PKD1L3: variants seen among roughly 807,000 people sequenced by gnomAD.
The protein encoded by PKD1L3 is polycystin 1 like 3, transient receptor potential channel interacting.
Under a neutral mutation model 184.1 loss-of-function variants are expected in PKD1L3, and 239 were observed. The ratio of observed to expected loss-of-function variants is 1.30; its 90% CI spans 1.17 to 1.45. PKD1L3 has a LOEUF of 1.45. Among genes scored for constraint, PKD1L3 ranks in the 40% most tolerant of loss-of-function variants. The probability of loss-of-function intolerance (pLI) is 0.00; values close to 1 mark genes in which losing one functional copy is unlikely to be tolerated. For synonymous variants in PKD1L3, 996 were observed against 778.8 expected (o/e 1.28, Z -4.64); for missense variants, 2,660 against 2,067.2 (o/e 1.29, Z -5.56).
chr16:71,943,010 G>C lies in PKD1L3; in HGVS notation c.3874C>G (p.Leu1292Val). Residue 1292 changes from leucine to valine, a missense_variant, in exon 24 of 30, where the codon CTT (leucine) becomes GTT (valine). Leu to Val is a conservative substitution (Grantham distance 32, BLOSUM62 1). Coordinates refer to ENST00000620267, the MANE Select transcript of PKD1L3 (RefSeq NM_181536.2). ...TGDILVQILF[L>V]TLLMTAIYSA... ...TAGATTGCAGTCATCAACAGGGTAA[G>C]GAAGAGGATTTGTACTTGTTTAGAA... is the stretch of plus-strand genomic sequence containing the variant. 2.6e-6 allele frequency: 4 copies of C among 1,549,948 alleles called. No homozygotes were observed. The highest frequency in any genetic ancestry group is 3.5e-6 in the Non-Finnish European group (4 of 1,145,620).
intron 13 of PKD1L3, among the ~76,000 whole-genome samples, chr16:71,969,404 C>T (rs1231775736): frequency 6.6e-6 from 1 of 151,124 alleles, no homozygotes; most frequent in African/African-American, 2.4e-5. Context: ...CTCCTGGGCT[C>T]AAGCGATCTT....
intron 19 of PKD1L3, among the ~76,000 whole-genome samples, chr16:71,951,244 T>C (rs1237817228): frequency 6.6e-6 from 1 of 152,174 alleles, no homozygotes; most frequent in African/African-American, 2.4e-5. Context: ...TTCGCCATGT[T>C]GGCTAGGCTG....
intron 13 of PKD1L3, 139 bp downstream of exon 13, chr16:71,969,736 T>C: frequency 2.6e-6 from 2 of 776,156 alleles, no homozygotes; most frequent in East Asian, 2.7e-5. Flanking sequence ...CGAAGATAAA[T>C]TTAAGAAAAG....
chr16:71,999,790 G>A lies in PKD1L3; in HGVS notation c.189C>T (p.Asn63=). ...CCCGGATGAGATCTTGAACTTCCTT[G>A]TTCCAAATATGAGCTAGGAATCCTC... ...VQRGFLAHIW[N]KEVQDLIRDY... The change falls in exon 1 of 30, where the codon AAC becomes AAT. Residue 63 remains asparagine (N), a synonymous_variant. Transcript: ENST00000620267. 3 of 1,551,612 alleles carry A rather than the reference G, an allele frequency of 1.9e-6. No homozygotes were observed. The highest frequency in any genetic ancestry group is 2.6e-6 in the Non-Finnish European group (3 of 1,146,980).
chr16:71,991,317 G>A (rs772285993), intron 3 of PKD1L3: 22 of 223,766 alleles, frequency 9.8e-5, no homozygotes, highest in Non-Finnish European at 2.2e-4. Context: ...GCAAGAAACC[G>A]AGTCAACCAC....
chr16:71,935,343 C>G lies in PKD1L3; in HGVS notation c.4613+15G>C. 6.5e-7 allele frequency: 1 copy of G among 1,548,616 alleles called. No individual in the cohort carries two copies. The highest frequency in any genetic ancestry group is 1.2e-5 in the South Asian group (1 of 83,540). ...TGAGGTAGGAATATGCTGTGCCCCT[C>G]AGGCTTCCTCTCACCTGTCCTGGTC... On this transcript the variant is annotated intron_variant, in intron 26 of 29. Coordinates refer to ENST00000620267, the MANE Select transcript of PKD1L3 (RefSeq NM_181536.2).
At chr16:71,942,482 A>G in intron 24 of PKD1L3, 78 bp downstream of exon 24, 1 of 1,263,518 alleles carries the variant, frequency 7.9e-7, no homozygotes, top group Non-Finnish European at 1.1e-6. Context: ...CTTCAATGAA[A>G]CCACATTCCT....
At position 71,990,232 on chromosome 16, in the gene PKD1L3, C is replaced by G. The variant is rs781225949; in HGVS notation, c.585+48G>C. On this transcript the variant is annotated intron_variant, in intron 4 of 29. Transcript: ENST00000620267. ...CTCTAACCAGATCTACTAGGTATGA[C>G]AAAGAGATCAACATTTCACAATGTA... 31 of 1,450,874 alleles carry G rather than the reference C, an allele frequency of 2.1e-5. No homozygotes were observed. In the East Asian group the frequency reaches 4.0e-4, roughly 19 times the overall value. 89.9% of individuals were successfully genotyped at this position (1,450,874 alleles called of 1,614,324 possible). A position where few individuals can be genotyped will look rare whatever the true frequency, so the allele number is the denominator to read the frequency against.
intron 6 of PKD1L3, among the ~76,000 whole-genome samples, chr16:71,983,241 G>A (rs948101839): frequency 1.3e-5 from 2 of 151,606 alleles, no homozygotes; most frequent in Admixed American, 1.3e-4. Flanking sequence ...CCACCTTCCG[G>A]GCTCAAACCA....
chr16:71,958,483 GA>G (rs1388938478), intron 16 of PKD1L3, among the ~76,000 whole-genome samples: 1 of 150,798 alleles, frequency 6.6e-6, no homozygotes, highest in Admixed American at 6.6e-5. Context: ...GTAATGATAA[GA>G]AATACAGAAA....
At chr16:71,996,477 G>A (rs1049463765) in intron 2 of PKD1L3, among the ~76,000 whole-genome samples, 3 of 151,950 alleles carry the variant, frequency 2.0e-5, no homozygotes, top group Non-Finnish European at 4.4e-5. Flanking sequence ...GGCCAGGATG[G>A]TCTCAATCTC....
chr16:71,986,969 G>A (rs1468264818), intron 4 of PKD1L3, among the ~76,000 whole-genome samples: 1 of 126,578 alleles, frequency 7.9e-6, no homozygotes, highest in Non-Finnish European at 1.5e-5. Context: ...CTGTCTCCCA[G>A]GCTGGAGTGC....
At chr16:71,958,159 G>A (rs570193498) in intron 16 of PKD1L3, among the ~76,000 whole-genome samples, 10 of 151,772 alleles carry the variant, frequency 6.6e-5, no homozygotes, top group Middle Eastern at 3.4e-3. Context: ...AGGCCGAGGC[G>A]GGCGGATCAC....
At chr16:71,983,836 G>GT (rs1459772997) in intron 6 of PKD1L3, among the ~76,000 whole-genome samples, 200 bp downstream of exon 6, 3 of 150,830 alleles carry the variant, frequency 2.0e-5, no homozygotes, top group East Asian at 2.0e-4. Flanking sequence ...GCTAATTTTT[G>GT]TTTTTTCAGT....
chr16:71,972,949 A>C (rs1318200479), intron 12 of PKD1L3, among the ~76,000 whole-genome samples: 1 of 152,332 alleles, frequency 6.6e-6, no homozygotes, highest in Non-Finnish European at 1.5e-5. Context: ...AAAGAATCTG[A>C]GAATGTATTT....
chr16:71,968,971 C>A (rs940606597), intron 13 of PKD1L3, among the ~76,000 whole-genome samples: 1 of 151,438 alleles, frequency 6.6e-6, no homozygotes, highest in Non-Finnish European at 1.5e-5. Context: ...GTCGGCCAGG[C>A]TGGAGTGCAG....
At chr16:71,952,832 T>G (rs2038894054) in intron 18 of PKD1L3, 62 bp downstream of exon 18, 4 of 1,483,040 alleles carry the variant, frequency 2.7e-6, no homozygotes, top group Non-Finnish European at 2.7e-6. Context: ...AGCCAGACCC[T>G]ATGTCAAAAC....
chr16:71,972,032 C>G (rs557743213), intron 12 of PKD1L3, among the ~76,000 whole-genome samples: 2 of 151,854 alleles, frequency 1.3e-5, no homozygotes, highest in African/African-American at 4.8e-5. Context: ...CTGGCTAACA[C>G]GGTGAAACCC....
intron 12 of PKD1L3, 128 bp downstream of exon 12, chr16:71,973,196 C>T: frequency 1.7e-6 from 2 of 1,174,286 alleles, no homozygotes; most frequent in East Asian, 2.6e-5. Flanking sequence ...TCCTTTTGCC[C>T]AGGCAGAGTT....
Sources: gnomAD v4.1 joint callset for allele counts (sites outside exome capture counted in the v4.1 genomes callset) on GRCh38, gnomAD v4.1.1 for gene constraint, MANE v1.5 for transcripts, NCBI Gene and HGNC (gene_info 2026-07-23, HGNC 2026-07-21) for gene names.